Variants in CYC1 observed in about 807,000 individuals in gnomAD.
CYC1 encodes cytochrome c1, heme protein, mitochondrial.
In CYC1, 10 loss-of-function variants were observed where a neutral mutation model predicts 33.8. The ratio of observed to expected loss-of-function variants is 0.30; its 90% CI spans 0.18 to 0.50. The LOEUF (loss-of-function observed/expected upper bound fraction) is 0.50. Ranked by LOEUF, CYC1 falls within the 20% of genes least tolerant of loss-of-function variation. CYC1 has a pLI of 0.98. For synonymous variants in CYC1, 224 were observed against 181.9 expected (o/e 1.23, Z -1.86); for missense variants, 459 against 437.6 (o/e 1.05, Z -0.44).
At chr8:144,095,760 G>A in intron 1 of CYC1, 73 bp from the exon 2 acceptor site, 2 of 1,524,130 alleles carry the variant, frequency 1.3e-6, no homozygotes, top group East Asian at 2.3e-5. Context: ...GGGTGGAGAG[G>A]TGGGCGCTGA....
chr8:144,096,387 A>G lies in CYC1; in HGVS notation c.504A>G (p.Pro168=). The G allele has an allele frequency of 6.2e-7, 1 of 1,614,064 alleles. No individual in the cohort carries two copies. The highest frequency in any genetic ancestry group is 8.5e-7 in the Non-Finnish European group (1 of 1,179,988). The change falls in exon 4 of 7, where the codon CCA becomes CCG. Residue 168 remains proline, a synonymous_variant. Coordinates refer to ENST00000318911, the MANE Select transcript of CYC1 (RefSeq NM_001916.5). ...AAGATGGGGAGATGTTCATGCGGCC[A>G]GGGAAGCTGTTCGACTATTTCCCAA... ...PNEDGEMFMR[P]GKLFDYFPKP...
rs1294611079 is a variant in CYC1, at chr8:144,096,004, C to T, written c.301C>T (p.Leu101Phe). The T allele has an allele frequency of 5.0e-6, 8 of 1,604,580 alleles. No homozygotes were observed. The highest frequency in any genetic ancestry group is 1.7e-5 in the Admixed American group (1 of 59,466). Residue 101 changes from leucine to phenylalanine, a missense_variant, in exon 2 of 7, where the codon CTC (leucine) becomes TTC (phenylalanine). Physicochemically the swap from Leu to Phe is conservative, Grantham distance 22 (BLOSUM62 0). Coordinates refer to ENST00000318911, the MANE Select transcript of CYC1 (RefSeq NM_001916.5). ...CAGCTATCCGTGGTCTCACCGTGGC[C>T]TCCTCTCTTCCTTGGACCACACCAG... ...PPSYPWSHRGLLSSLDHTSIR... is the reference protein window; with the variant it reads ...PPSYPWSHRGFLSSLDHTSIR...
rs753534702 is a variant in CYC1 at position 144,097,361 on chromosome 8, C to T, written c.*25C>T. 11 of 1,598,982 alleles carry T rather than the reference C, an allele frequency of 6.9e-6. No individual in the cohort carries two copies. The South Asian group carries it at 9.9e-5, about 14-fold the overall frequency. On this transcript the variant is annotated 3_prime_UTR_variant, in exon 7 of 7. Transcript: ENST00000318911. ...ACCCTGTCCAGTGTCTGCTTGCCAT[C>T]CTGCCAGAACAGGCCCTCAAGCCCA...
rs560816891 is a variant in CYC1 at position 144,096,035 on chromosome 8, CAGCT to C, written c.326+7_326+10del. On this transcript the variant is annotated splice_region_variant and intron_variant, in intron 2 of 6. Transcript: ENST00000318911. The stretch of plus-strand genomic sequence containing the variant: ...TCTTCCTTGGACCACACCAGGTGTG[CAGCT>C]GGCTGGCTGGCTGGCAGCGGGAGGT... 4.5e-4 allele frequency: 717 copies of C among 1,600,198 alleles called. 5 individuals are homozygous for C. In the African/African-American group the frequency reaches 8.9e-3, roughly 20 times the overall value.
rs1314098552 is a variant in CYC1 at position 144,095,120 on chromosome 8, G to A, written c.21G>A (p.Ser7=). MAAAAA[S]LRGVVLGPRG... is the part of the protein sequence containing the mutation. ...CCAAGATGGCGGCAGCTGCGGCTTC[G>A]CTTCGCGGGGTAGTGTTGGGCCCGC... The change falls in exon 1 of 7, where the codon TCG becomes TCA. Residue 7 remains serine (S), a synonymous_variant. Coordinates refer to ENST00000318911, the MANE Select transcript of CYC1 (RefSeq NM_001916.5). 4.1e-6 allele frequency: 5 copies of A among 1,210,634 alleles called. No individual in the cohort carries two copies. The highest frequency in any genetic ancestry group is 4.1e-6 in the Non-Finnish European group (4 of 972,984). 75.0% of individuals were successfully genotyped at this position (1,210,634 alleles called of 1,614,324 possible).
intron 4 of CYC1, 26 bp from the exon 5 acceptor site, chr8:144,096,558 C>A: frequency 6.2e-7 from 1 of 1,614,022 alleles, no homozygotes; most frequent in Non-Finnish European, 8.5e-7. Flanking sequence ...GTGCTTGGAA[C>A]TAAGGAGCCA....
In CYC1 at chr8:144,096,465, C is replaced by T. The variant is rs28398315; in HGVS notation, c.582C>T (p.Pro194=). 1.2e-6 allele frequency: 2 copies of T among 1,614,004 alleles called. No individual in the cohort carries two copies. The highest frequency in any genetic ancestry group is 1.3e-5 in the African/African-American group (1 of 74,922). Residue 194 remains proline (P), a synonymous_variant, in exon 4 of 7, where the codon CCC becomes CCT. Coordinates refer to ENST00000318911, the MANE Select transcript of CYC1 (RefSeq NM_001916.5). ...AARAANNGAL[P]PDLSYIVRAR... ...GAGCTGCCAACAACGGAGCATTGCC[C>T]CCTGACCTCAGCTACATCGTGCGAG...
At position 144,095,174 on chromosome 8, in the gene CYC1, C is replaced by A; in HGVS notation, c.75C>A (p.Ala25=). 1.7e-6 allele frequency: 2 copies of A among 1,209,006 alleles called. No individual in the cohort carries two copies. The highest frequency in any genetic ancestry group is 2.1e-6 in the Non-Finnish European group (2 of 972,680). 74.9% of individuals were successfully genotyped at this position (1,209,006 alleles called of 1,614,324 possible). Residue 25 remains alanine, a synonymous_variant, in exon 1 of 7, where the codon GCC becomes GCA. Transcript: ENST00000318911. ...PRGAGLPGAR[A]RGLLCSARPG... The stretch of plus-strand genomic sequence containing the variant: ...GCGCGGGGCTCCCGGGCGCGCGTGC[C>A]CGGGGTCTGCTGTGCAGCGCGCGTC...
Position 144,096,660 on chromosome 8 carries a change from G to C in CYC1, c.688G>C (p.Gly230Arg). ...EPPTGVSLRE[G>R]LYFNPYFPGQ... is the part of the protein sequence containing the mutation. ...ACCCACCGGGGTGTCACTGCGGGAA[G>C]GTCTCTACTTCAACCCCTACTTTCC... Residue 230 changes from glycine to arginine, a missense_variant, in exon 5 of 7, where the codon GGT becomes CGT. Gly to Arg is a moderately radical substitution (Grantham distance 125). Transcript: ENST00000318911. The C allele has an allele frequency of 6.2e-7, 1 of 1,614,044 alleles. No individual in the cohort carries two copies. The highest frequency in any genetic ancestry group is 8.5e-7 in the Non-Finnish European group (1 of 1,180,032).
In CYC1 at chr8:144,096,118, C is replaced by T. The variant is rs754982364; in HGVS notation, c.327-6C>T. On this transcript the variant is annotated splice_region_variant and splice_polypyrimidine_tract_variant and intron_variant, in intron 2 of 6. Transcript: ENST00000318911. Reference sequence around the variant, plus strand: ...TCAGCTTTCCTAACCCTTTCCCTCCCTCCAGCATCCGGAGGGGTTTCCAGG... The same window carrying T: ...TCAGCTTTCCTAACCCTTTCCCTCCTTCCAGCATCCGGAGGGGTTTCCAGG... The T allele has an allele frequency of 2.3e-5, 37 of 1,611,800 alleles. No homozygotes were observed. The highest frequency in any genetic ancestry group is 3.0e-5 in the Non-Finnish European group (35 of 1,179,436).
intron 1 of CYC1, chr8:144,095,478 C>T: frequency 2.3e-6 from 1 of 430,838 alleles, no homozygotes; most frequent in East Asian, 4.0e-5. Flanking sequence ...GGGGCTGGGG[C>T]TTTCCCGAAT....
chr8:144,095,094 G>A lies in CYC1; in HGVS notation c.-6G>A, dbSNP rs1050172815. The A allele has an allele frequency of 2.5e-6, 3 of 1,208,264 alleles. No homozygotes were observed. Among genetic ancestry groups the A allele is most frequent in the Admixed American group, 4.4e-5 (1 of 22,748 alleles). The allele number at this position is 1,208,264 out of a possible 1,614,324, so 74.8% of individuals were successfully genotyped here. The stretch of plus-strand genomic sequence containing the variant: ...CGGGAGTGGCGGCCGCGCGGAGGAG[G>A]CCAAGATGGCGGCAGCTGCGGCTTC... On this transcript the variant is annotated 5_prime_UTR_variant, in exon 1 of 7. Coordinates refer to ENST00000318911, the MANE Select transcript of CYC1 (RefSeq NM_001916.5).
chr8:144,096,892 C>G, intron 5 of CYC1, 142 bp from the exon 6 acceptor site: 1 of 1,200,712 alleles, frequency 8.3e-7, no homozygotes. Context: ...CTTTTGGGCT[C>G]CTTCAGTTTT....
At position 144,096,332 on chromosome 8, in the gene CYC1, G is replaced by A. The variant is rs767495600; in HGVS notation, c.454-5G>A. On this transcript the variant is annotated splice_region_variant and splice_polypyrimidine_tract_variant and intron_variant, in intron 3 of 6. Coordinates refer to ENST00000318911, the MANE Select transcript of CYC1 (RefSeq NM_001916.5). ...GCAGGGTTGTGATGAGGCTCTCGGTGGCAGGTGGAGGTTCAAGACGGCCCC... is the reference window on the plus strand; with the variant it reads ...GCAGGGTTGTGATGAGGCTCTCGGTAGCAGGTGGAGGTTCAAGACGGCCCC... The A allele has an allele frequency of 5.6e-6, 9 of 1,613,506 alleles. No homozygotes were observed. The South Asian group carries it at 8.8e-5, about 16-fold the overall frequency.
At position 144,096,133 on chromosome 8, in the gene CYC1, G is replaced by C. The variant is rs1564310543; in HGVS notation, c.336G>C (p.Arg112Ser). The change falls in exon 3 of 7, where the codon AGG (arginine) becomes AGC (serine). Residue 112 changes from arginine to serine, a missense_variant. Coordinates refer to ENST00000318911, the MANE Select transcript of CYC1 (RefSeq NM_001916.5). The stretch of plus-strand genomic sequence containing the variant: ...CTTTCCCTCCCTCCAGCATCCGGAG[G>C]GGTTTCCAGGTATATAAGCAGGTGT... ...LSSLDHTSIRRGFQVYKQVCA... is the reference protein window; with the variant it reads ...LSSLDHTSIRSGFQVYKQVCA... 1 of 1,613,108 alleles carries C rather than the reference G, an allele frequency of 6.2e-7. No homozygotes were observed. The highest frequency in any genetic ancestry group is 8.5e-7 in the Non-Finnish European group (1 of 1,179,774).
At chr8:144,095,375 G>A (rs1328362672) in intron 1 of CYC1, 147 bp downstream of exon 1, 2 of 685,932 alleles carry the variant, frequency 2.9e-6, no homozygotes, top group Non-Finnish European at 4.0e-6. Flanking sequence ...CCGACCTTGA[G>A]CGTGTGGGAT....
chr8:144,095,850 G>A lies in CYC1; in HGVS notation c.147G>A (p.Ser49=). 1.2e-6 allele frequency: 2 copies of A among 1,607,862 alleles called. No homozygotes were observed. The highest frequency in any genetic ancestry group is 1.7e-5 in the Admixed American group (1 of 59,650). The part of the protein sequence containing the change: ...LRTPQAVALS[S]KSGLSRGRKV... ...TCTTGCAGGCAGTGGCCTTGTCGTC[G>A]AAGTCTGGCCTTTCCCGAGGCCGGA... The change falls in exon 2 of 7, where the codon TCG becomes TCA. Residue 49 remains serine (S), a synonymous_variant. Transcript: ENST00000318911.
chr8:144,095,201 C>A lies in CYC1; in HGVS notation c.102C>A (p.Pro34=). The A allele has an allele frequency of 1.7e-6, 2 of 1,202,692 alleles. No homozygotes were observed. Among genetic ancestry groups the A allele is most frequent in the Non-Finnish European group, 1.0e-6 (1 of 968,438 alleles). The allele number at this position is 1,202,692 out of a possible 1,614,324, so 74.5% of individuals were successfully genotyped here. A position where few individuals can be genotyped will look rare whatever the true frequency, so the allele number is the denominator to read the frequency against. The change falls in exon 1 of 7, where the codon CCC becomes CCA. Residue 34 remains proline (P), a synonymous_variant. Transcript: ENST00000318911. The stretch of plus-strand genomic sequence containing the variant: ...GGGGTCTGCTGTGCAGCGCGCGTCC[C>A]GGGCAGCTCCCGCTACGGACACCTC... ...RARGLLCSAR[P]GQLPLRTPQA... is the part of the protein sequence containing the mutation.
chr8:144,096,005 T>G lies in CYC1; in HGVS notation c.302T>G (p.Leu101Arg), dbSNP rs1329523374. 6 of 1,604,206 alleles carry G rather than the reference T, an allele frequency of 3.7e-6. No homozygotes were observed. In the African/African-American group the frequency reaches 5.4e-5, roughly 14 times the overall value. ...PPSYPWSHRG[L>R]LSSLDHTSIR... is the part of the protein sequence containing the mutation. ...AGCTATCCGTGGTCTCACCGTGGCC[T>G]CCTCTCTTCCTTGGACCACACCAGG... is the stretch of plus-strand genomic sequence containing the variant. Residue 101 changes from leucine (L) to arginine (R), a missense_variant, in exon 2 of 7, where the codon CTC (leucine) becomes CGC (arginine). Leu to Arg is a moderately radical substitution (Grantham distance 102). Transcript: ENST00000318911.
Sources: allele counts gnomAD v4.1 joint callset, GRCh38; gene constraint gnomAD v4.1.1; transcripts MANE v1.5; gene names NCBI Gene and HGNC (gene_info 2026-07-23, HGNC 2026-07-21).